Variants in MYH16 observed in about 807,000 individuals in gnomAD.
MYH16 encodes the protein myosin heavy chain 16, also known as putative uncharacterized protein MYH16.
chr7:99,284,896 T>G (rs1003005740), exon 26 of MYH16: 1 of 456,580 alleles, frequency 2.2e-6, no homozygotes, highest in Non-Finnish European at 4.4e-6. Context: ...ATGAGCAGTC[T>G]CTGAATTCCA....
At chr7:99,296,369 G>A (rs917170396) in intron 33 of MYH16, among the ~76,000 whole-genome samples, 2 of 151,966 alleles carry the variant, frequency 1.3e-5, no homozygotes, top group Non-Finnish European at 2.9e-5. Context: ...ATATATTAAG[G>A]GGAGTTAGGC....
intron 2 of MYH16, among the ~76,000 whole-genome samples, chr7:99,245,148 C>T (rs1210508067): frequency 2.0e-5 from 3 of 152,208 alleles, no homozygotes; most frequent in Admixed American, 2.0e-4. Flanking sequence ...GACTCCATGG[C>T]TGGTGTCCCA....
rs1292879299 is a variant in MYH16, at chr7:99,289,417, C to T, written n.3824+13C>T. 6.8e-5 allele frequency: 27 copies of T among 399,006 alleles called. No individual in the cohort carries two copies. Among genetic ancestry groups the T allele is most frequent in the African/African-American group, 2.1e-5 (1 of 47,674 alleles). The allele number at this position is 399,006 out of a possible 1,614,324, so 24.7% of individuals were successfully genotyped here. ...ACCCGCCTCCAAGGTGAGCCCTCTC[C>T]GCCCTGAGCTTGCTAAGGAGCAGTG... On this transcript the variant is annotated intron_variant and non_coding_transcript_variant, in intron 30 of 41. Transcript: ENST00000439784.
intron 6 of MYH16, among the ~76,000 whole-genome samples, chr7:99,251,579 T>C (rs1444289682): frequency 2.6e-5 from 4 of 152,206 alleles, no homozygotes; most frequent in African/African-American, 9.6e-5. Context: ...AGGGTTAACT[T>C]TTTTTTGTTT....
At chr7:99,307,936 A>G (rs182246806), downstream of MYH16, among the ~76,000 whole-genome samples, 118 of 152,042 alleles carry the variant, frequency 7.8e-4, no homozygotes, top group African/African-American at 2.6e-3. Context: ...GGATGGTCTC[A>G]GTCTCTTGAC....
intron 1 of MYH16, among the ~76,000 whole-genome samples, chr7:99,242,399 G>A (rs1018120398): frequency 6.6e-6 from 1 of 151,960 alleles, no homozygotes; most frequent in Non-Finnish European, 1.5e-5. Context: ...ACTTTTGGGG[G>A]CCAAGATGGG....
intron 11 of MYH16, among the ~76,000 whole-genome samples, chr7:99,259,849 G>GTGTGTA (rs1554336603): frequency 2.1e-5 from 3 of 145,040 alleles, no homozygotes; most frequent in African/African-American, 7.6e-5. Flanking sequence ...GTATGTATGT[G>GTGTGTA]TATATATATA....
chr7:99,241,444 A>T (rs1791665954), intron 1 of MYH16, among the ~76,000 whole-genome samples: 1 of 152,134 alleles, frequency 6.6e-6, no homozygotes, highest in African/African-American at 2.4e-5. Flanking sequence ...TTAGTCGGGC[A>T]TGGTGGCCTG....
Position 99,283,545 on chromosome 7 carries a change from G to A in MYH16, n.2993-20G>A, listed in dbSNP as rs11983985. The A allele has an allele frequency of 3.3e-5, 15 of 455,442 alleles. No individual in the cohort carries two copies. Among genetic ancestry groups the A allele is most frequent in the African/African-American group, 1.0e-4 (5 of 50,020 alleles). The allele number at this position is 455,442 out of a possible 1,614,324, so 28.2% of individuals were successfully genotyped here. On this transcript the variant is annotated intron_variant and non_coding_transcript_variant, in intron 23 of 41. Coordinates refer to ENST00000439784, the Ensembl canonical transcript of MYH16. ...TCCCACTGGGCCTCGTGGCACTCAC[G>A]TGTGTATCTGTCCTTCCAGAAAACC...
At chr7:99,300,880 T>C (rs1562787601) in intron 37 of MYH16, among the ~76,000 whole-genome samples, 1 of 152,010 alleles carries the variant, frequency 6.6e-6, no homozygotes, top group Non-Finnish European at 1.5e-5. Context: ...TTATTAAAAC[T>C]GGTGATAAGT....
chr7:99,283,906 C>T lies in MYH16; in HGVS notation n.3113C>T, dbSNP rs767975365. 1.4e-4 allele frequency: 64 copies of T among 456,420 alleles called. No individual in the cohort carries two copies. The Middle Eastern group carries it at 6.2e-3, about 44-fold the overall frequency. 28.3% of individuals were successfully genotyped at this position (456,420 alleles called of 1,614,324 possible). ...TAACTGGGAGCAGGAAAAGAAAATCCGGGCGGAGGTGGAAAAGGCTCGTCG... is the reference window on the plus strand; with the variant it reads ...TAACTGGGAGCAGGAAAAGAAAATCTGGGCGGAGGTGGAAAAGGCTCGTCG... On this transcript the variant is annotated non_coding_transcript_exon_variant, in exon 25 of 42. Transcript: ENST00000439784.
chr7:99,255,031 G>A (rs1017132293), intron 8 of MYH16, among the ~76,000 whole-genome samples: 4 of 152,164 alleles, frequency 2.6e-5, no homozygotes, highest in Non-Finnish European at 5.9e-5. Context: ...TACTTTGGGA[G>A]GCCGAGGCAG....
intron 13 of MYH16, among the ~76,000 whole-genome samples, chr7:99,262,267 C>A (rs1415362440): frequency 1.3e-5 from 2 of 152,182 alleles, no homozygotes; most frequent in African/African-American, 4.8e-5. Flanking sequence ...GTTGCTGAGC[C>A]TCTGTGGGTT....
chr7:99,277,670 G>T (rs1212551424), exon 21 of MYH16: 1 of 456,772 alleles, frequency 2.2e-6, no homozygotes, highest in Non-Finnish European at 4.4e-6. Flanking sequence ...AGACAGCCAC[G>T]CTCAGCCAGG....
At chr7:99,310,235 T>G (rs1354799224), downstream of MYH16, among the ~76,000 whole-genome samples, 4 of 152,148 alleles carry the variant, frequency 2.6e-5, no homozygotes, top group African/African-American at 9.7e-5. Flanking sequence ...CTCAGAGAGC[T>G]GCAGCGCGGT....
intron 2 of MYH16, among the ~76,000 whole-genome samples, chr7:99,243,874 C>T (rs1791697992): frequency 6.6e-6 from 1 of 151,458 alleles, no homozygotes; most frequent in Admixed American, 6.6e-5. Context: ...TCCATCCAAA[C>T]ATTCATCCAT....
At chr7:99,267,329 A>G (rs993995097) in intron 18 of MYH16, among the ~76,000 whole-genome samples, 7 of 152,200 alleles carry the variant, frequency 4.6e-5, no homozygotes, top group African/African-American at 1.7e-4. Flanking sequence ...CCCAGGCTCA[A>G]GTGATCCTCC....
At chr7:99,259,704 GTA>G (rs1265129555) in intron 11 of MYH16, among the ~76,000 whole-genome samples, 6 of 147,134 alleles carry the variant, frequency 4.1e-5, no homozygotes, top group Admixed American at 1.4e-4. Flanking sequence ...ATATGTGTGT[GTA>G]TATATATATA....
chr7:99,260,118 CTG>C, intron 11 of MYH16: 1 of 1,510,192 alleles, frequency 6.6e-7, no homozygotes, highest in South Asian at 1.1e-5. Context: ...GAGAGGCTCT[CTG>C]TGCCTGTGCT....
Sources: allele counts gnomAD v4.1 joint callset (sites outside exome capture counted in the v4.1 genomes callset), GRCh38; gene constraint gnomAD v4.1.1; transcripts MANE v1.5; gene names NCBI Gene and HGNC (gene_info 2026-07-23, HGNC 2026-07-21).